PTPN2: variants seen among roughly 807,000 people sequenced by gnomAD.
PTPN2 encodes the protein tyrosine-protein phosphatase non-receptor type 2.
In PTPN2, 19 loss-of-function variants were observed where a neutral mutation model predicts 57.3. The ratio of observed to expected loss-of-function variants is 0.33; its 90% CI spans 0.23 to 0.49. The LOEUF is 0.49. Ranked by LOEUF, PTPN2 falls within the 20% of genes least tolerant of loss-of-function variation. The pLI is 0.99. For missense variants in PTPN2, 358 were observed against 501.1 expected (o/e 0.71, Z 2.73); for synonymous variants, 153 against 164.9 (o/e 0.93, Z 0.55).
At chr18:12,808,918 T>C (rs2041792532) in intron 7 of PTPN2, among the ~76,000 whole-genome samples, 1 of 152,250 alleles carries the variant, frequency 6.6e-6, no homozygotes, top group Non-Finnish European at 1.5e-5. Context: ...CAGAGGTATG[T>C]AACACTGGAG....
At chr18:12,840,445 C>G (rs1470091045) in intron 2 of PTPN2, among the ~76,000 whole-genome samples, 1 of 152,190 alleles carries the variant, frequency 6.6e-6, no homozygotes, top group Non-Finnish European at 1.5e-5. Context: ...ATTGTTTGCT[C>G]TGCAAAGAAA....
At chr18:12,786,006 T>C in intron 9 of PTPN2, 1 of 617,208 alleles carries the variant, frequency 1.6e-6, no homozygotes, top group Non-Finnish European at 2.8e-6. Context: ...TGCACTGTTA[T>C]CTTAGGGTAA....
At chr18:12,867,793 T>G (rs948803891) in intron 1 of PTPN2, among the ~76,000 whole-genome samples, 1 of 152,156 alleles carries the variant, frequency 6.6e-6, no homozygotes, top group African/African-American at 2.4e-5. Flanking sequence ...TACTGAACAT[T>G]CTATTTTAAC....
intron 2 of PTPN2, among the ~76,000 whole-genome samples, chr18:12,850,360 G>A (rs765539461): frequency 3.9e-5 from 6 of 151,916 alleles, no homozygotes; most frequent in Non-Finnish European, 7.4e-5. Context: ...CTGGTGGCAC[G>A]TGCCTGTACT....
intron 2 of PTPN2, among the ~76,000 whole-genome samples, chr18:12,845,636 AT>A (rs2043183508): frequency 6.6e-6 from 1 of 151,784 alleles, no homozygotes; most frequent in African/African-American, 2.4e-5. Context: ...GGTCATTTTT[AT>A]TTCTTCCCTT....
At chr18:12,856,431 A>T (rs1202512273) in intron 2 of PTPN2, among the ~76,000 whole-genome samples, 3 of 152,166 alleles carry the variant, frequency 2.0e-5, no homozygotes, top group Non-Finnish European at 4.4e-5. Flanking sequence ...AAAGAAGAAG[A>T]AGAGTAAGGA....
chr18:12,854,261 G>C (rs1198398573), intron 2 of PTPN2, among the ~76,000 whole-genome samples: 1 of 151,780 alleles, frequency 6.6e-6, no homozygotes, highest in Admixed American at 6.6e-5. Context: ...TCAGGAGGCT[G>C]AGGTGGGAGG....
intron 2 of PTPN2, chr18:12,840,627 C>A (rs890627519): frequency 2.1e-6 from 3 of 1,437,648 alleles, no homozygotes; most frequent in East Asian, 2.4e-5. Context: ...ACCCATCGCA[C>A]TGTCACTCAG....
chr18:12,797,780 G>A (rs980471094), intron 8 of PTPN2, among the ~76,000 whole-genome samples: 13 of 152,260 alleles, frequency 8.5e-5, no homozygotes, highest in Middle Eastern at 3.4e-3. Flanking sequence ...CTTGCCCAGG[G>A]AAGATCATGT....
At chr18:12,875,840 G>C (rs76966224) in intron 1 of PTPN2, among the ~76,000 whole-genome samples, 16,431 of 152,236 alleles carry the variant, frequency 0.11, 1,041 homozygotes, top group Non-Finnish European at 0.15. Context: ...AACAGCAGGG[G>C]ACTGAGAGAG....
chr18:12,802,258 A>G lies in PTPN2; in HGVS notation c.859-107T>C. 6.8e-6 allele frequency: 6 copies of G among 882,828 alleles called. 1 individual carries two copies. In the South Asian group the frequency reaches 1.1e-4, roughly 16 times the overall value. 54.7% of individuals were successfully genotyped at this position (882,828 alleles called of 1,614,324 possible). A position where few individuals can be genotyped will look rare whatever the true frequency, so the allele number is the denominator to read the frequency against. On this transcript the variant is annotated intron_variant, in intron 7 of 8. Transcript: ENST00000309660. Reference sequence around the variant, plus strand: ...TCCTATATTCAAGTTAAGAAAACCCAATGATGCTAAAAGATGAGTGAAAAA... The same window carrying G: ...TCCTATATTCAAGTTAAGAAAACCCGATGATGCTAAAAGATGAGTGAAAAA...
chr18:12,795,937 CT>C (rs71174143), intron 8 of PTPN2, among the ~76,000 whole-genome samples: 19,216 of 139,944 alleles, frequency 0.14, 1,318 homozygotes, highest in South Asian at 0.2. Flanking sequence ...GATTTAAAAT[CT>C]TTTTTTTTTT....
intron 5 of PTPN2, chr18:12,819,150 A>G (rs1159858089): frequency 6.0e-6 from 4 of 661,946 alleles, no homozygotes; most frequent in Non-Finnish European, 6.9e-6. Flanking sequence ...TATGTCCCAG[A>G]CTCAGTATAT....
At chr18:12,883,328 G>A (rs1395049535) in intron 1 of PTPN2, among the ~76,000 whole-genome samples, 9 of 152,242 alleles carry the variant, frequency 5.9e-5, no homozygotes, top group Admixed American at 6.5e-5. Context: ...CTTTCGTTCC[G>A]GGAAGGTTCT....
chr18:12,822,333 G>A (rs8089298), intron 5 of PTPN2, among the ~76,000 whole-genome samples: 145,982 of 152,288 alleles, frequency 0.96, 70,281 homozygotes, highest in East Asian at 1. Flanking sequence ...CTCACTAAAC[G>A]TAAAGCGGGC....
downstream of PTPN2, among the ~76,000 whole-genome samples, chr18:12,790,982 A>G (rs2040970114): frequency 6.6e-6 from 1 of 152,256 alleles, no homozygotes. Context: ...CTCTAACACA[A>G]GAAATGGTCT....
chr18:12,849,219 T>A (rs965846120), intron 2 of PTPN2, among the ~76,000 whole-genome samples: 10 of 152,218 alleles, frequency 6.6e-5, no homozygotes, highest in Non-Finnish European at 1.5e-4. Context: ...CCACACTTAT[T>A]GAGATAATCA....
At chr18:12,803,102 A>G (rs756212618) in intron 7 of PTPN2, among the ~76,000 whole-genome samples, 15 of 152,218 alleles carry the variant, frequency 9.9e-5, no homozygotes, top group Non-Finnish European at 2.1e-4. Context: ...CAACAAAATT[A>G]TAAGTTGTGG....
At chr18:12,856,658 T>A (rs1414515682) in intron 2 of PTPN2, among the ~76,000 whole-genome samples, 1 of 152,162 alleles carries the variant, frequency 6.6e-6, no homozygotes, top group African/African-American at 2.4e-5. Flanking sequence ...ACAACATAAG[T>A]CTAAAAGCTG....
Sources: gnomAD v4.1 joint callset for allele counts (sites outside exome capture counted in the v4.1 genomes callset) on GRCh38, gnomAD v4.1.1 for gene constraint, MANE v1.5 for transcripts, NCBI Gene and HGNC (gene_info 2026-07-23, HGNC 2026-07-21) for gene names.